The following DMRT1 variants were observed in gnomAD, a reference collection of about 807,000 sequenced individuals.
DMRT1 encodes doublesex and mab-3 related transcription factor 1, also known as doublesex- and mab-3-related transcription factor 1.
Under a neutral mutation model 32.3 loss-of-function variants are expected in DMRT1, and 7 were observed. That is an observed-to-expected ratio of 0.22 (90% confidence interval 0.12 to 0.41). The LOEUF is 0.41. DMRT1 is among the 10% of genes least tolerant of loss of function. The probability of loss-of-function intolerance (pLI) is 1.00; values close to 1 mark genes in which losing one functional copy is unlikely to be tolerated. For missense variants in DMRT1, 625 were observed against 500.5 expected (o/e 1.25, Z -2.37); for synonymous variants, 278 against 206.1 (o/e 1.35, Z -2.99).
At chr9:867,293 G>A (rs1401466215) in intron 2 of DMRT1, among the ~76,000 whole-genome samples, 1 of 151,920 alleles carries the variant, frequency 6.6e-6, no homozygotes, top group South Asian at 2.1e-4. Context: ...AAGAAGTGAC[G>A]TTTGTCAAAC....
chr9:881,004 G>A (rs573967527), intron 2 of DMRT1, among the ~76,000 whole-genome samples: 1 of 152,140 alleles, frequency 6.6e-6, no homozygotes, highest in Non-Finnish European at 1.5e-5. Context: ...CACCAAGCTT[G>A]AATGGGTTTA....
At chr9:847,767 C>G (rs1838968470) in intron 2 of DMRT1, among the ~76,000 whole-genome samples, 1 of 152,332 alleles carries the variant, frequency 6.6e-6, no homozygotes, top group Admixed American at 6.5e-5. Context: ...TGCACTAGGT[C>G]TCTAAATTAC....
At chr9:897,319 T>C (rs7859219) in intron 3 of DMRT1, among the ~76,000 whole-genome samples, 15,890 of 151,806 alleles carry the variant, frequency 0.1, 1,475 homozygotes, top group African/African-American at 0.24. Flanking sequence ...TGTTTCACCA[T>C]GTTAGCCAGG....
chr9:957,901 T>C (rs1031082598), intron 4 of DMRT1, among the ~76,000 whole-genome samples: 2 of 152,040 alleles, frequency 1.3e-5, no homozygotes, highest in African/African-American at 2.4e-5. Context: ...TCCTAGCTAC[T>C]TGGGAGGCTG....
chr9:845,457 C>T (rs1352486188), intron 1 of DMRT1, among the ~76,000 whole-genome samples: 3 of 152,262 alleles, frequency 2.0e-5, no homozygotes, highest in Non-Finnish European at 4.4e-5. Flanking sequence ...ATACACCTGC[C>T]TCAGCATCGC....
intron 2 of DMRT1, among the ~76,000 whole-genome samples, chr9:855,618 T>C (rs1262563878): frequency 6.6e-6 from 1 of 152,224 alleles, no homozygotes; most frequent in East Asian, 1.9e-4. Context: ...TAAACATATA[T>C]CTGAATTTTT....
chr9:879,270 C>G (rs1169997413), intron 2 of DMRT1, among the ~76,000 whole-genome samples: 1 of 151,798 alleles, frequency 6.6e-6, no homozygotes, highest in African/African-American at 2.4e-5. Flanking sequence ...TCTATCGATA[C>G]CATACTGGAA....
At chr9:867,542 A>T (rs7028120) in intron 2 of DMRT1, among the ~76,000 whole-genome samples, 43,754 of 152,144 alleles carry the variant, frequency 0.29, 7,771 homozygotes, top group Non-Finnish European at 0.39. Flanking sequence ...TTTTCATTTA[A>T]TCTTTACGGC....
chr9:968,159 G>A lies in DMRT1; in HGVS notation c.*20G>A, dbSNP rs1240409246. 3.7e-6 allele frequency: 6 copies of A among 1,613,688 alleles called. No homozygotes were observed. Among genetic ancestry groups the A allele is most frequent in the Non-Finnish European group, 5.1e-6 (6 of 1,179,978 alleles). On this transcript the variant is annotated 3_prime_UTR_variant, in exon 5 of 5. Transcript: ENST00000382276. ...GAGTGAGCAGTGCCTGCTGCCGATG[G>A]CGGTTCACTTGGAGTAACAGGCTTA...
chr9:889,137 G>C (rs1817046340), intron 2 of DMRT1, among the ~76,000 whole-genome samples: 1 of 152,020 alleles, frequency 6.6e-6, no homozygotes, highest in African/African-American at 2.4e-5. Context: ...GCGAACCATT[G>C]GATTAGACAC....
intron 2 of DMRT1, among the ~76,000 whole-genome samples, chr9:849,335 C>T (rs1589445080): frequency 6.6e-6 from 1 of 152,088 alleles, no homozygotes; most frequent in South Asian, 2.1e-4. Context: ...GGCTGATGGA[C>T]AGTTAGCAAC....
intron 2 of DMRT1, among the ~76,000 whole-genome samples, chr9:851,055 A>G (rs1839128209): frequency 8.0e-6 from 1 of 125,386 alleles, no homozygotes. Context: ...AGAAAGAAAA[A>G]TAGACGTGGA....
chr9:860,349 G>A (rs1018569), intron 2 of DMRT1, among the ~76,000 whole-genome samples: 78,186 of 151,626 alleles, frequency 0.52, 21,307 homozygotes, highest in African/African-American at 0.71. Flanking sequence ...ATACAAATTA[G>A]TTCAGTGAAG....
chr9:908,501 G>T (rs1173318277), intron 3 of DMRT1, among the ~76,000 whole-genome samples: 1 of 152,012 alleles, frequency 6.6e-6, no homozygotes, highest in African/African-American at 2.4e-5. Context: ...TCTCTTCCAT[G>T]CCCTCTCCAC....
intron 2 of DMRT1, among the ~76,000 whole-genome samples, chr9:888,102 G>C (rs1321014971): frequency 2.6e-5 from 4 of 152,170 alleles, no homozygotes; most frequent in African/African-American, 9.7e-5. Context: ...AATAGTAGGT[G>C]CTTAATAAAT....
rs1008140149 is a variant in DMRT1 at position 864,087 on chromosome 9, G to A, written c.538+16944G>A. ...TCTTTGGAGGACAAGCAGAGGAGCA[G>A]AGAAGCCTGTAACTTTTCCACTTCC... On this transcript the variant is annotated intron_variant, in intron 2 of 4. Coordinates refer to ENST00000382276, the MANE Select transcript of DMRT1 (RefSeq NM_021951.3). 2.0e-5 allele frequency among the ~76,000 whole-genome samples: 3 copies of A among 152,172 alleles called. No homozygotes were observed. The South Asian group carries it at 6.2e-4, about 32-fold the overall frequency.
chr9:967,959 T>A lies in DMRT1; in HGVS notation c.968-26T>A, dbSNP rs200423545. On this transcript the variant is annotated intron_variant, in intron 4 of 4. Coordinates refer to ENST00000382276, the MANE Select transcript of DMRT1 (RefSeq NM_021951.3). The stretch of plus-strand genomic sequence containing the variant: ...ACATTACTCCCTTTCTCCCTTTCTC[T>A]CTTTCTCTCTCACCTCACTTCGCAG... The A allele has an allele frequency of 3.3e-3, 5,329 of 1,601,430 alleles. 14 individuals carry two copies. The highest frequency in any genetic ancestry group is 3.7e-3 in the Non-Finnish European group (4,369 of 1,177,498).
chr9:926,917 G>A (rs2129832887), intron 4 of DMRT1, among the ~76,000 whole-genome samples: 1 of 152,256 alleles, frequency 6.6e-6, no homozygotes, highest in Non-Finnish European at 1.5e-5. Context: ...TCATCAAGTT[G>A]GCCAGTTTCT....
At chr9:875,110 A>G (rs1361499697) in intron 2 of DMRT1, among the ~76,000 whole-genome samples, 4 of 152,112 alleles carry the variant, frequency 2.6e-5, no homozygotes, top group African/African-American at 9.7e-5. Flanking sequence ...GCGCCCGGCC[A>G]ACACTTAATC....
Sources: gnomAD v4.1 joint callset for allele counts (sites outside exome capture counted in the v4.1 genomes callset) on GRCh38, gnomAD v4.1.1 for gene constraint, MANE v1.5 for transcripts, NCBI Gene and HGNC (gene_info 2026-07-23, HGNC 2026-07-21) for gene names.